The following PDE11A variants were observed in gnomAD, a reference collection of about 807,000 sequenced individuals.
PDE11A encodes dual 3',5'-cyclic-AMP and -GMP phosphodiesterase 11A.
Under a neutral mutation model 100.5 loss-of-function variants are expected in PDE11A, and 100 were observed. The ratio of observed to expected loss-of-function variants is 1.00; its 90% confidence interval spans 0.85 to 1.18. The LOEUF is 1.18. Among genes scored for constraint, PDE11A ranks in the 50% most tolerant of loss-of-function variants. The pLI, the probability that PDE11A is intolerant of heterozygous loss-of-function variation, is 0.00. For missense variants in PDE11A, 1,141 were observed against 1,152.6 expected, an observed-to-expected ratio of 0.99 and a Z score of 0.15; for synonymous variants, 381 against 420.8, an observed-to-expected ratio of 0.91 and a Z score of 1.16.
intron 5 of PDE11A, among the ~76,000 whole-genome samples, chr2:177,857,567 G>A (rs562772771): frequency 6.6e-6 from 1 of 152,068 alleles, no homozygotes; most frequent in South Asian, 2.1e-4. Flanking sequence ...GCTATATGGA[G>A]CAAAGTTTTT....
At chr2:177,873,086 T>C (rs2105690914) in intron 5 of PDE11A, among the ~76,000 whole-genome samples, 1 of 152,304 alleles carries the variant, frequency 6.6e-6, no homozygotes, top group African/African-American at 2.4e-5. Flanking sequence ...AAGAGCAGTC[T>C]AGGTCTTGGG....
chr2:177,768,314 A>C (rs1424479993), intron 10 of PDE11A, among the ~76,000 whole-genome samples: 1 of 151,874 alleles, frequency 6.6e-6, no homozygotes, highest in Non-Finnish European at 1.5e-5. Flanking sequence ...TTGTCATTCA[A>C]GTGCTCAGTT....
At chr2:178,066,855 G>A (rs1236874950) in intron 1 of PDE11A, among the ~76,000 whole-genome samples, 5 of 152,174 alleles carry the variant, frequency 3.3e-5, no homozygotes, top group Non-Finnish European at 1.5e-5. Context: ...CGGACTCTCA[G>A]ACTGGAGCTT....
intron 2 of PDE11A, chr2:177,922,826 C>G (rs1429105594): frequency 1.0e-6 from 1 of 984,644 alleles, no homozygotes; most frequent in Non-Finnish European, 1.2e-6. Flanking sequence ...TCTTCTCCCT[C>G]TACATTTCTT....
At chr2:178,023,330 T>C (rs573330992) in intron 1 of PDE11A, among the ~76,000 whole-genome samples, 51 of 152,324 alleles carry the variant, frequency 3.3e-4, no homozygotes, top group African/African-American at 1.2e-3. Flanking sequence ...AAACACACTT[T>C]AGAGGTACGA....
At chr2:177,666,627 G>A (rs1320594438) in intron 18 of PDE11A, among the ~76,000 whole-genome samples, 1 of 152,118 alleles carries the variant, frequency 6.6e-6, no homozygotes, top group Non-Finnish European at 1.5e-5. Context: ...TGTGGTTTCA[G>A]TTTGCATTTC....
chr2:178,045,235 A>G (rs886801822), intron 1 of PDE11A, among the ~76,000 whole-genome samples: 2 of 152,184 alleles, frequency 1.3e-5, no homozygotes, highest in African/African-American at 4.8e-5. Flanking sequence ...CTCTGCCTTG[A>G]AAACTCTCTA....
At chr2:178,090,688 T>C (rs1384085701) in intron 2 of PDE11A, among the ~76,000 whole-genome samples, 2 of 152,198 alleles carry the variant, frequency 1.3e-5, no homozygotes, top group Non-Finnish European at 2.9e-5. Context: ...TCATGCCAAT[T>C]AGGATAGGAG....
intron 9 of PDE11A, among the ~76,000 whole-genome samples, chr2:177,785,063 T>C (rs931652605): frequency 2.0e-5 from 3 of 152,248 alleles, no homozygotes; most frequent in African/African-American, 7.2e-5. Flanking sequence ...GCCAGTATAG[T>C]TTGGTCTTTG....
intron 17 of PDE11A, among the ~76,000 whole-genome samples, chr2:177,673,650 G>C (rs1408039980): frequency 6.6e-6 from 1 of 152,162 alleles, no homozygotes; most frequent in Non-Finnish European, 1.5e-5. Context: ...GTGACTGATG[G>C]GACATTTGGG....
intron 2 of PDE11A, among the ~76,000 whole-genome samples, chr2:177,964,414 G>T (rs1026619233): frequency 2.4e-4 from 37 of 151,870 alleles, no homozygotes; most frequent in African/African-American, 9.0e-4. Flanking sequence ...GGTTCAGGGG[G>T]TACATGTGCA....
Position 177,778,537 on chromosome 2 carries a change from C to T in PDE11A, c.1738-9164G>A, listed in dbSNP as rs151307185. Among the ~76,000 whole-genome samples, 759 of 152,174 alleles carry T rather than the reference C, an allele frequency of 5.0e-3. 11 individuals are homozygous for T. Among genetic ancestry groups the T allele is most frequent in the Non-Finnish European group, 4.4e-3 (297 of 68,006 alleles). On this transcript the variant is annotated intron_variant, in intron 9 of 19. Transcript: ENST00000286063. The stretch of plus-strand genomic sequence containing the variant: ...TGGCACTTGGTAAAGGCTGGATGGC[C>T]GACTTAAGCTAAGCTGATCTGAAGT...
chr2:177,879,831 T>TAAAAGAAGTTGGAGAAACTACTAAAAG (rs1161855794), intron 4 of PDE11A, among the ~76,000 whole-genome samples: 4 of 152,330 alleles, frequency 2.6e-5, no homozygotes, highest in Middle Eastern at 3.4e-3. Flanking sequence ...TGAACTCTTG[T>TAAAAGAAGTTGGAGAAACTACTAAAAG]AAAAGAAGTT....
chr2:177,773,927 A>C (rs1251414032), intron 9 of PDE11A, among the ~76,000 whole-genome samples: 2 of 152,208 alleles, frequency 1.3e-5, no homozygotes, highest in East Asian at 3.8e-4. Context: ...CCTTAAGATA[A>C]GAGACCCTTA....
intron 6 of PDE11A, among the ~76,000 whole-genome samples, chr2:177,828,816 C>A (rs145518042): frequency 6.6e-6 from 1 of 151,752 alleles, no homozygotes; most frequent in African/African-American, 2.4e-5. Context: ...GAAAGAATTG[C>A]AAATTTGGCT....
At chr2:177,649,756 G>A (rs1362557362) in intron 19 of PDE11A, among the ~76,000 whole-genome samples, 1 of 152,134 alleles carries the variant, frequency 6.6e-6, no homozygotes, top group Non-Finnish European at 1.5e-5. Context: ...GGAACTGGGT[G>A]ACTTGCAAAA....
chr2:177,820,932 A>G (rs148681411), intron 6 of PDE11A, among the ~76,000 whole-genome samples: 1 of 152,018 alleles, frequency 6.6e-6, no homozygotes, highest in African/African-American at 2.4e-5. Context: ...TCCATTTAAT[A>G]TTAAAAACAG....
chr2:177,634,388 C>CTTT (rs1198925669), intron 19 of PDE11A, among the ~76,000 whole-genome samples: 1,525 of 61,058 alleles, frequency 0.025, 42 homozygotes, highest in African/African-American at 0.05. Context: ...TTTTCTCTCT[C>CTTT]TCTTTTTTTT....
At chr2:177,948,049 AAC>A (rs1187088085) in intron 2 of PDE11A, among the ~76,000 whole-genome samples, 1 of 151,664 alleles carries the variant, frequency 6.6e-6, no homozygotes, top group Non-Finnish European at 1.5e-5. Context: ...TTTTTTTTTT[AAC>A]AGAGTCAAAA....
Sources: allele counts gnomAD v4.1 joint callset (sites outside exome capture counted in the v4.1 genomes callset), GRCh38; gene constraint gnomAD v4.1.1; transcripts MANE v1.5; gene names NCBI Gene and HGNC (gene_info 2026-07-23, HGNC 2026-07-21).